ITGA4: variants seen among roughly 807,000 people sequenced by gnomAD.
The protein encoded by ITGA4 is integrin alpha-4.
ITGA4 carries 63 observed loss-of-function variants against 133.6 expected under a neutral mutation model. The observed-to-expected ratio is 0.47, with a 90% CI of 0.38 to 0.58. The LOEUF is 0.58. ITGA4 is among the 20% of genes least tolerant of loss of function. ITGA4 has a pLI of 0.00. For synonymous variants in ITGA4, 483 were observed against 438.0 expected (o/e 1.10, Z -1.28); for missense variants, 1,076 against 1,252.7 (o/e 0.86, Z 2.13).
Position 181,474,905 on chromosome 2 carries a change from T to C in ITGA4, c.320-55T>C, listed in dbSNP as rs1350389394. On this transcript the variant is annotated intron_variant, in intron 2 of 27. Transcript: ENST00000397033. ...CTGGGGATGAGTGCACAGTTTTCTC[T>C]TCTTTTGTAGAATGTTTTCAATACA... The C allele has an allele frequency of 2.9e-6, 4 of 1,384,310 alleles. No individual in the cohort carries two copies. The East Asian group carries it at 7.0e-5, about 24-fold the overall frequency. 85.8% of individuals were successfully genotyped at this position (1,384,310 alleles called of 1,614,324 possible). A position where few individuals can be genotyped will look rare whatever the true frequency, so the allele number is the denominator to read the frequency against.
intron 25 of ITGA4, among the ~76,000 whole-genome samples, chr2:181,532,538 T>G (rs1686965230): frequency 6.6e-6 from 1 of 152,216 alleles, no homozygotes; most frequent in South Asian, 2.1e-4. Context: ...ACTCATGATT[T>G]GGCTCTCTGC....
At chr2:181,489,433 C>A (rs1275954711) in intron 10 of ITGA4, among the ~76,000 whole-genome samples, 1 of 151,630 alleles carries the variant, frequency 6.6e-6, no homozygotes, top group Non-Finnish European at 1.5e-5. Context: ...ACATGACCAA[C>A]AGCAGATCAC....
intron 2 of ITGA4, among the ~76,000 whole-genome samples, chr2:181,466,430 A>C (rs1559036937): frequency 6.6e-6 from 1 of 152,068 alleles, no homozygotes; most frequent in Non-Finnish European, 1.5e-5. Context: ...ATTTAAACAC[A>C]TTTTTTTAAA....
rs1687202217 is a variant in ITGA4, at chr2:181,537,475, A to C, written c.*1948A>C. ...TAAAACCCTACCACTTTAAGAAGAC[A>C]GGGATGGGTTATTCTTTTTTGGCAG... On this transcript the variant is annotated 3_prime_UTR_variant, in exon 28 of 28. Coordinates refer to ENST00000397033, the MANE Select transcript of ITGA4 (RefSeq NM_000885.6). 2 of 453,490 alleles carry C rather than the reference A, an allele frequency of 4.4e-6. No individual in the cohort carries two copies. Among genetic ancestry groups the C allele is most frequent in the Non-Finnish European group, 4.4e-6 (1 of 226,686 alleles). The allele number at this position is 453,490 out of a possible 1,614,324, so 28.1% of individuals were successfully genotyped here.
At chr2:181,502,600 G>GT (rs1285904682) in intron 15 of ITGA4, among the ~76,000 whole-genome samples, 1 of 152,064 alleles carries the variant, frequency 6.6e-6, no homozygotes, top group Non-Finnish European at 1.5e-5. Flanking sequence ...GACTGTAGAA[G>GT]TTCTTGTCTG....
rs1174201984 is a variant in ITGA4, at chr2:181,537,606, G to A, written c.*2079G>A. 5 of 430,394 alleles carry A rather than the reference G, an allele frequency of 1.2e-5. No individual in the cohort carries two copies. Among genetic ancestry groups the A allele is most frequent in the Admixed American group, 2.7e-5 (1 of 37,004 alleles). The allele number at this position is 430,394 out of a possible 1,614,324, so 26.7% of individuals were successfully genotyped here. On this transcript the variant is annotated 3_prime_UTR_variant, in exon 28 of 28. Coordinates refer to ENST00000397033, the MANE Select transcript of ITGA4 (RefSeq NM_000885.6). ...TGTATTATATTTGTAACAGAATATA[G>A]GAAATTTAACATAATTGATGAGCTC... is the stretch of plus-strand genomic sequence containing the variant.
chr2:181,507,410 C>T (rs1686415421), intron 15 of ITGA4, among the ~76,000 whole-genome samples: 1 of 152,026 alleles, frequency 6.6e-6, no homozygotes, highest in African/African-American at 2.4e-5. Context: ...TATTAGCTTA[C>T]CCTTTTAGAT....
Position 181,535,477 on chromosome 2 carries a change from AACAGAAGAG to A in ITGA4, c.3054_3062del (p.Arg1018_Asp1020del), listed in dbSNP as rs1687047273. On this transcript the variant is annotated inframe_deletion, in exon 28 of 28. Coordinates refer to ENST00000397033, the MANE Select transcript of ITGA4 (RefSeq NM_000885.6). ...ATACAAATCTATCCTACAAGAAGAA[AACAGAAGAG>A]ACAGTTGGAGTTATATCAACAGTAA... The A allele has an allele frequency of 1.2e-6, 2 of 1,609,872 alleles. No homozygotes were observed. The highest frequency in any genetic ancestry group is 2.7e-5 in the African/African-American group (2 of 74,708).
At chr2:181,487,569 G>A (rs155108) in intron 10 of ITGA4, among the ~76,000 whole-genome samples, 7,531 of 152,164 alleles carry the variant, frequency 0.049, 397 homozygotes, top group African/African-American at 0.13. Context: ...CAGTTTTAAT[G>A]TATAGCAATA....
intron 4 of ITGA4, among the ~76,000 whole-genome samples, chr2:181,477,559 A>G (rs1685704682): frequency 6.6e-6 from 1 of 152,164 alleles, no homozygotes; most frequent in African/African-American, 2.4e-5. Context: ...CTTTCCAAAG[A>G]AGGCATCAAA....
At chr2:181,476,982 G>A (rs1050060319) in intron 4 of ITGA4, among the ~76,000 whole-genome samples, 10 of 152,022 alleles carry the variant, frequency 6.6e-5, no homozygotes, top group African/African-American at 2.2e-4. Flanking sequence ...GGTGGTAGAC[G>A]GTGGGAGCAG....
At chr2:181,457,274 T>G (rs779265704), upstream of ITGA4, 1 of 209,954 alleles carries the variant, frequency 4.8e-6, no homozygotes, top group Non-Finnish European at 9.6e-6. Flanking sequence ...ACGCGAGTCC[T>G]GCGCAGCCGA....
chr2:181,465,013 T>C (rs1430375525), intron 2 of ITGA4, among the ~76,000 whole-genome samples: 1 of 152,124 alleles, frequency 6.6e-6, no homozygotes, highest in African/African-American at 2.4e-5. Flanking sequence ...AGAAAATAGA[T>C]TGTAGACTTA....
chr2:181,533,123 G>A (rs116034396), intron 25 of ITGA4, among the ~76,000 whole-genome samples: 2,362 of 152,198 alleles, frequency 0.016, 70 homozygotes, highest in African/African-American at 0.055. Flanking sequence ...TATTTATGAG[G>A]AGTAGTTTGA....
chr2:181,461,150 G>T (rs956249682), intron 2 of ITGA4, among the ~76,000 whole-genome samples: 6 of 148,902 alleles, frequency 4.0e-5, no homozygotes, highest in Non-Finnish European at 5.9e-5. Flanking sequence ...TGTGGACAAG[G>T]TGTCCCATAT....
In ITGA4 at chr2:181,529,634, AT is replaced by A. The variant is rs761222774; in HGVS notation, c.2528del (p.Leu843TrpfsTer21). 1.3e-6 allele frequency: 2 copies of A among 1,562,560 alleles called. No homozygotes were observed. The highest frequency in any genetic ancestry group is 3.4e-5 in the Admixed American group (2 of 59,584). Reference sequence around the variant, plus strand: ...CCCCCAAACTGATAAGCTGTTCAACATTTTGGATGTCCAGGTAAAAATGTAT... The same window carrying A: ...CCCCCAAACTGATAAGCTGTTCAACATTTGGATGTCCAGGTAAAAATGTAT... ...FSPQTDKLFN[I>X]LDVQTTTGEC... On this transcript the variant is annotated frameshift_variant, in exon 23 of 28. Transcript: ENST00000397033. LOFTEE classifies it high-confidence loss of function.
chr2:181,524,521 A>C (rs1177240587), intron 20 of ITGA4, among the ~76,000 whole-genome samples: 4 of 152,212 alleles, frequency 2.6e-5, no homozygotes, highest in African/African-American at 7.2e-5. Context: ...AAACAGAATA[A>C]ACAGTTTACA....
chr2:181,476,444 C>T (rs1485892700), intron 4 of ITGA4, among the ~76,000 whole-genome samples: 1 of 152,024 alleles, frequency 6.6e-6, no homozygotes, highest in African/African-American at 2.4e-5. Flanking sequence ...AATGACTTAC[C>T]AATTTATTGA....
chr2:181,489,171 A>G (rs1685987471), intron 10 of ITGA4, among the ~76,000 whole-genome samples: 1 of 152,262 alleles, frequency 6.6e-6, no homozygotes. Context: ...CATTGGATGC[A>G]AATCACACTT....
Sources: allele counts gnomAD v4.1 joint callset (sites outside exome capture counted in the v4.1 genomes callset), GRCh38; gene constraint gnomAD v4.1.1; transcripts MANE v1.5; gene names NCBI Gene and HGNC (gene_info 2026-07-23, HGNC 2026-07-21).